The following FAM78B variants were observed in gnomAD, a reference collection of about 807,000 sequenced individuals.
FAM78B encodes the protein family with sequence similarity 78 member B.
A neutral mutation model predicts 20.0 loss-of-function variants in FAM78B; 10 were observed. The observed-to-expected ratio is 0.50, with a 90% CI of 0.31 to 0.85. The LOEUF (loss-of-function observed/expected upper bound fraction) is 0.85. Among genes scored for constraint, FAM78B ranks in the 40% least tolerant of loss-of-function variants. The pLI, the probability that FAM78B is intolerant of heterozygous loss-of-function variation, is 0.05. For missense variants in FAM78B, 283 were observed against 345.0 expected, an observed-to-expected ratio of 0.82 and a Z score of 1.42; for synonymous variants, 135 against 132.8, an observed-to-expected ratio of 1.02 and a Z score of -0.12.
chr1:166,164,230 C>A (rs1443424959), intron 1 of FAM78B, among the ~76,000 whole-genome samples: 4 of 152,228 alleles, frequency 2.6e-5, no homozygotes. Flanking sequence ...GCTTCCTCTA[C>A]CAGGGGCCCC....
chr1:166,109,419 C>T (rs369981037), intron 1 of FAM78B, among the ~76,000 whole-genome samples: 127 of 152,202 alleles, frequency 8.3e-4, no homozygotes, highest in African/African-American at 3.0e-3. Context: ...TGCTCAACAT[C>T]ACTAATGATC....
At chr1:166,093,217 T>C (rs1223599307) in intron 1 of FAM78B, among the ~76,000 whole-genome samples, 5 of 152,120 alleles carry the variant, frequency 3.3e-5, no homozygotes, top group Non-Finnish European at 7.3e-5. Flanking sequence ...AAGTGGGGCA[T>C]GCAGTTTGTG....
At chr1:166,056,404 A>AGGTGGTG (rs1201485000), downstream of FAM78B, among the ~76,000 whole-genome samples, 1 of 152,204 alleles carries the variant, frequency 6.6e-6, no homozygotes, top group Non-Finnish European at 1.5e-5. Context: ...ATCAGAGTGC[A>AGGTGGTG]GGTGGTGGGG....
chr1:166,077,849 TAA>T (rs1465923923), intron 1 of FAM78B, among the ~76,000 whole-genome samples: 6 of 120,376 alleles, frequency 5.0e-5, no homozygotes, highest in African/African-American at 1.3e-4. Context: ...ATATATATAA[TAA>T]TATATATAAT....
chr1:166,085,053 G>A (rs557802742), intron 1 of FAM78B, among the ~76,000 whole-genome samples: 12 of 152,306 alleles, frequency 7.9e-5, no homozygotes, highest in African/African-American at 2.9e-4. Flanking sequence ...CTCCTAGTAT[G>A]GAACCTTCTG....
At chr1:166,057,433 G>T (rs894311297) in exon 3 of FAM78B, 2 of 151,630 alleles carry the variant, frequency 1.3e-5, no homozygotes, top group African/African-American at 4.8e-5. Context: ...ATATTTTGTT[G>T]TTGTTGTTGA....
chr1:166,155,282 G>A (rs1655848671), intron 1 of FAM78B, among the ~76,000 whole-genome samples: 1 of 152,172 alleles, frequency 6.6e-6, no homozygotes, highest in African/African-American at 2.4e-5. Context: ...ACATCATAAG[G>A]AGTCACAGGA....
intron 1 of FAM78B, among the ~76,000 whole-genome samples, chr1:166,110,366 G>C (rs1023854450): frequency 1.3e-5 from 2 of 152,148 alleles, no homozygotes; most frequent in Non-Finnish European, 2.9e-5. Flanking sequence ...TCCCTCTGCA[G>C]AGCTGGGCAT....
chr1:166,151,089 G>A (rs1655652921), intron 1 of FAM78B, among the ~76,000 whole-genome samples: 1 of 152,178 alleles, frequency 6.6e-6, no homozygotes, highest in South Asian at 2.1e-4. Flanking sequence ...GGGTTATAGA[G>A]GATGGCATCA....
At chr1:166,145,473 G>A (rs1410220629) in intron 1 of FAM78B, among the ~76,000 whole-genome samples, 2 of 152,184 alleles carry the variant, frequency 1.3e-5, no homozygotes, top group Non-Finnish European at 2.9e-5. Flanking sequence ...AGGGCGTTTT[G>A]ATGGGCAAAG....
intron 1 of FAM78B, among the ~76,000 whole-genome samples, chr1:166,080,357 A>G (rs945723306): frequency 3.9e-5 from 6 of 152,180 alleles, no homozygotes; most frequent in African/African-American, 1.2e-4. Flanking sequence ...CCATGTCTCC[A>G]AAAATTAATC....
At chr1:166,158,750 G>T (rs561568883) in intron 1 of FAM78B, among the ~76,000 whole-genome samples, 111 of 152,348 alleles carry the variant, frequency 7.3e-4, no homozygotes, top group South Asian at 1.5e-3. Context: ...TGATGACTCT[G>T]CCTCTGTGGG....
chr1:166,062,739 T>C (rs959566205), intron 2 of FAM78B, among the ~76,000 whole-genome samples: 2 of 152,248 alleles, frequency 1.3e-5, no homozygotes, highest in Admixed American at 1.3e-4. Context: ...TGGGAAATAA[T>C]TTAATTGGCT....
chr1:166,086,840 T>G (rs1557894548), intron 1 of FAM78B, among the ~76,000 whole-genome samples: 1 of 152,072 alleles, frequency 6.6e-6, no homozygotes. Flanking sequence ...TGTCCACACG[T>G]GTGGACAGAG....
exon 3 of FAM78B, chr1:166,059,765 TG>T (rs1242891244): frequency 1.3e-5 from 2 of 152,216 alleles, no homozygotes; most frequent in Admixed American, 1.3e-4. Flanking sequence ...ATCCCATGTC[TG>T]GTTGAAAATG....
intron 1 of FAM78B, among the ~76,000 whole-genome samples, chr1:166,123,887 G>A (rs1469138414): frequency 6.6e-6 from 1 of 152,198 alleles, no homozygotes; most frequent in Non-Finnish European, 1.5e-5. Flanking sequence ...TGGGTCGCAT[G>A]CCCATCGCTT....
intron 1 of FAM78B, among the ~76,000 whole-genome samples, chr1:166,154,171 T>C (rs1160631770): frequency 1.3e-5 from 2 of 152,182 alleles, no homozygotes; most frequent in Admixed American, 6.5e-5. Flanking sequence ...TCTTTGACGC[T>C]ACTTGGATCT....
At chr1:166,073,040 A>G (rs1046339209) in intron 1 of FAM78B, among the ~76,000 whole-genome samples, 3 of 152,144 alleles carry the variant, frequency 2.0e-5, no homozygotes, top group Non-Finnish European at 4.4e-5. Flanking sequence ...TTTTTTGAAA[A>G]ACAACAACAA....
chr1:166,090,042 G>A (rs1653003087), intron 1 of FAM78B, among the ~76,000 whole-genome samples: 1 of 152,156 alleles, frequency 6.6e-6, no homozygotes, highest in Non-Finnish European at 1.5e-5. Context: ...CAAACAGGAA[G>A]CCAATAATTG....
Sources: allele counts gnomAD v4.1 joint callset (sites outside exome capture counted in the v4.1 genomes callset), GRCh38; gene constraint gnomAD v4.1.1; transcripts MANE v1.5; gene names NCBI Gene and HGNC (gene_info 2026-07-23, HGNC 2026-07-21).